Variants in ZFP91 observed in about 807,000 individuals in gnomAD.
ZFP91 encodes the protein E3 ubiquitin-protein ligase ZFP91.
In ZFP91, 7 loss-of-function variants were observed where a neutral mutation model predicts 63.5. That is an observed-to-expected ratio of 0.11 (90% CI 0.06 to 0.21). ZFP91 has a LOEUF of 0.21. Among genes scored for constraint, ZFP91 ranks in the 10% least tolerant of loss-of-function variants. ZFP91 has a pLI of 1.00. For missense variants in ZFP91, 628 were observed against 736.6 expected, an observed-to-expected ratio of 0.85 and a Z score of 1.71; for synonymous variants, 330 against 272.1, an observed-to-expected ratio of 1.21 and a Z score of -2.10.
intron 5 of ZFP91, 197 bp from the exon 6 acceptor site, chr11:58,611,407 G>T (rs927481239): frequency 8.8e-6 from 6 of 678,802 alleles, no homozygotes; most frequent in East Asian, 5.6e-5. Context: ...TCTGGGGAGG[G>T]TTCATTCCAT....
chr11:58,609,517 C>G (rs986794769), intron 2 of ZFP91, among the ~76,000 whole-genome samples: 1 of 152,138 alleles, frequency 6.6e-6, no homozygotes, highest in Non-Finnish European at 1.5e-5. Context: ...TTTCTTTTAA[C>G]TTAGATCTAA....
chr11:58,594,182 A>C (rs1032501273), intron 2 of ZFP91, among the ~76,000 whole-genome samples: 1 of 152,156 alleles, frequency 6.6e-6, no homozygotes. Flanking sequence ...AGACTTTTTT[A>C]TGCCTCCTCG....
chr11:58,612,417 G>A, intron 7 of ZFP91, 89 bp downstream of exon 7: 1 of 1,347,840 alleles, frequency 7.4e-7, no homozygotes, highest in Non-Finnish European at 1.0e-6. Flanking sequence ...AATCCTGCAG[G>A]AATGGCTATT....
At chr11:58,604,845 A>G (rs1855546184) in intron 2 of ZFP91, among the ~76,000 whole-genome samples, 1 of 152,228 alleles carries the variant, frequency 6.6e-6, no homozygotes, top group Non-Finnish European at 1.5e-5. Context: ...TTGGACAACC[A>G]GGTCTAACGT....
At chr11:58,579,772 G>C (rs1248014024) in intron 1 of ZFP91, 150 bp downstream of exon 1, 1 of 716,402 alleles carries the variant, frequency 1.4e-6, no homozygotes, top group Middle Eastern at 4.1e-4. Flanking sequence ...TTCCCCGGGA[G>C]CCTTCGTGCC....
intron 9 of ZFP91, among the ~76,000 whole-genome samples, chr11:58,615,509 A>G (rs1855735315): frequency 6.6e-6 from 1 of 152,234 alleles, no homozygotes; most frequent in African/African-American, 2.4e-5. Context: ...ACTTTTGCAA[A>G]TTAGTATATA....
In ZFP91 at chr11:58,579,221, C is replaced by A; in HGVS notation, c.-61C>A. 3 of 1,325,532 alleles carry A rather than the reference C, an allele frequency of 2.3e-6. No individual in the cohort carries two copies. Among genetic ancestry groups the A allele is most frequent in the Non-Finnish European group, 1.9e-6 (2 of 1,033,380 alleles). 82.1% of individuals were successfully genotyped at this position (1,325,532 alleles called of 1,614,324 possible). On this transcript the variant is annotated 5_prime_UTR_variant, in exon 1 of 11. Coordinates refer to ENST00000316059, the MANE Select transcript of ZFP91 (RefSeq NM_053023.5). ...GGCGAGGGGGCGGGGGGAGCAGCGCCGAGGCCGCCGCCTCCGCCTCCGCCG... is the reference window on the plus strand; with the variant it reads ...GGCGAGGGGGCGGGGGGAGCAGCGCAGAGGCCGCCGCCTCCGCCTCCGCCG...
Position 58,617,821 on chromosome 11 carries a change from C to CT in ZFP91, c.*118dup. The CT allele has an allele frequency of 7.2e-7, 1 of 1,384,694 alleles. No homozygotes were observed. Among genetic ancestry groups the CT allele is most frequent in the Non-Finnish European group, 9.4e-7 (1 of 1,064,098 alleles). 85.8% of individuals were successfully genotyped at this position (1,384,694 alleles called of 1,614,324 possible). ...TAGTGAAATAACTGAAGGGCCTGCT[C>CT]TTTCCATTGTGGATCACAGCACACA... is the stretch of plus-strand genomic sequence containing the variant. On this transcript the variant is annotated 3_prime_UTR_variant, in exon 11 of 11. Transcript: ENST00000316059. The surrounding 1 kb of genome is among the most constrained non-coding windows in gnomAD (Gnocchi z 4.2).
At chr11:58,589,203 C>T (rs1206412688) in intron 2 of ZFP91, among the ~76,000 whole-genome samples, 1 of 152,084 alleles carries the variant, frequency 6.6e-6, no homozygotes, top group Non-Finnish European at 1.5e-5. Flanking sequence ...TCCCAAGTAG[C>T]TGGGACTACA....
chr11:58,589,689 T>A (rs1322649017), intron 2 of ZFP91, among the ~76,000 whole-genome samples: 1 of 152,234 alleles, frequency 6.6e-6, no homozygotes, highest in Non-Finnish European at 1.5e-5. Context: ...AAGGTAGCAG[T>A]AACTGTATTA....
intron 9 of ZFP91, among the ~76,000 whole-genome samples, chr11:58,615,386 T>C (rs1169292534): frequency 6.6e-6 from 1 of 151,354 alleles, no homozygotes; most frequent in Non-Finnish European, 1.5e-5. Flanking sequence ...AAAAGTTGTT[T>C]CTGACAGCCA....
At chr11:58,611,484 T>G in intron 5 of ZFP91, 120 bp from the exon 6 acceptor site, 1 of 1,281,868 alleles carries the variant, frequency 7.8e-7, no homozygotes. Context: ...AAATCACATT[T>G]CATGAACTGA....
intron 1 of ZFP91, among the ~76,000 whole-genome samples, chr11:58,580,252 C>G (rs948628220): frequency 6.6e-6 from 1 of 152,094 alleles, no homozygotes; most frequent in African/African-American, 2.4e-5. Context: ...TTTGTTTTTA[C>G]TAAGTAGCAT....
chr11:58,579,750 A>G (rs974560373), intron 1 of ZFP91, 128 bp downstream of exon 1: 1 of 877,614 alleles, frequency 1.1e-6, no homozygotes, highest in Non-Finnish European at 1.6e-6. Flanking sequence ...CGCACGCCAG[A>G]TGTCACACCG....
At chr11:58,595,095 T>G (rs570190283) in intron 2 of ZFP91, among the ~76,000 whole-genome samples, 1 of 152,314 alleles carries the variant, frequency 6.6e-6, no homozygotes, top group Admixed American at 6.5e-5. Context: ...TGGACTTAGA[T>G]ATACCCGTGT....
At chr11:58,584,743 A>C in intron 1 of ZFP91, 113 bp from the exon 2 acceptor site, 1 of 939,544 alleles carries the variant, frequency 1.1e-6, no homozygotes, top group Admixed American at 3.7e-5. Flanking sequence ...CTGTAGGACA[A>C]CACTAGTCTA....
chr11:58,585,848 G>A (rs1319580825), intron 2 of ZFP91, among the ~76,000 whole-genome samples: 1 of 152,178 alleles, frequency 6.6e-6, no homozygotes, highest in African/African-American at 2.4e-5. Flanking sequence ...GAATGATAGT[G>A]TAATTTAAGA....
In ZFP91 at chr11:58,610,273, T is replaced by G. The variant is rs368246399; in HGVS notation, c.581-25T>G. 3.2e-5 allele frequency: 51 copies of G among 1,586,980 alleles called. No homozygotes were observed. The African/African-American group carries it at 6.7e-4, about 21-fold the overall frequency. On this transcript the variant is annotated intron_variant, in intron 3 of 10. Transcript: ENST00000316059. ...TATCTTATATCTACACTAATAAAATTTTGTTTTTGGCTTTGTTTTTCTAGA... is the reference window on the plus strand; with the variant it reads ...TATCTTATATCTACACTAATAAAATGTTGTTTTTGGCTTTGTTTTTCTAGA...
At chr11:58,614,404 G>A (rs1855716616) in intron 9 of ZFP91, 61 bp downstream of exon 9, 7 of 1,217,898 alleles carry the variant, frequency 5.7e-6, no homozygotes, top group African/African-American at 1.5e-5. Flanking sequence ...TTGCATGTTG[G>A]TAATGATAAC....
Sources: gnomAD v4.1 joint callset for allele counts (sites outside exome capture counted in the v4.1 genomes callset) on GRCh38, gnomAD v4.1.1 for gene constraint, Gnocchi (gnomAD v3.1) non-coding constraint, MANE v1.5 for transcripts, NCBI Gene and HGNC (gene_info 2026-07-23, HGNC 2026-07-21) for gene names.